The following INHBA variants were observed in gnomAD, a reference collection of about 807,000 sequenced individuals.
INHBA encodes the protein inhibin subunit beta A.
A neutral mutation model predicts 29.0 loss-of-function variants in INHBA; 1 was observed. That is an observed-to-expected ratio of 0.03 (90% confidence interval 0.01 to 0.16). The LOEUF (loss-of-function observed/expected upper bound fraction) is 0.16, where lower values mean the gene tolerates loss of function less well. INHBA is among the 10% of genes least tolerant of loss of function. INHBA has a pLI of 1.00. For missense variants in INHBA, 376 were observed against 545.4 expected (o/e 0.69, Z 3.09); for synonymous variants, 242 against 216.8 (o/e 1.12, Z -1.02).
chr7:41,690,116 T>C lies in INHBA; in HGVS notation c.815A>G (p.Lys272Arg), dbSNP rs1390115330. The C allele has an allele frequency of 1.2e-6, 2 of 1,613,492 alleles. No individual in the cohort carries two copies. The highest frequency in any genetic ancestry group is 2.7e-5 in the African/African-American group (2 of 74,844). ...TCCTGCCCCACCTTCACCTCCGCCC[T>C]TCTTTTTCCCTTCCCCCTCCTCTTC... Reference protein sequence around the residue: ...KKEEEGEGKKKGGGEGGAGAD... With the variant: ...KKEEEGEGKKRGGGEGGAGAD... Residue 272 changes from lysine (K) to arginine (R), a missense_variant, in exon 3 of 3, where the codon AAG (lysine) becomes AGG (arginine). Coordinates refer to ENST00000242208, the MANE Select transcript of INHBA (RefSeq NM_002192.4).
At position 41,700,203 on chromosome 7, in the gene INHBA, C is replaced by T; in HGVS notation, c.172G>A (p.Val58Ile). 2 of 1,614,034 alleles carry T rather than the reference C, an allele frequency of 1.2e-6. No homozygotes were observed. The highest frequency in any genetic ancestry group is 1.7e-6 in the Non-Finnish European group (2 of 1,179,958). ...PNSQPEMVEA[V>I]KKHILNMLHL... ...AGCATGTTTAAAATGTGCTTCTTGACGGCCTCCACCATCTCTGGCTGAGAG... is the reference window on the plus strand; with the variant it reads ...AGCATGTTTAAAATGTGCTTCTTGATGGCCTCCACCATCTCTGGCTGAGAG... Residue 58 changes from valine to isoleucine, a missense_variant, in exon 2 of 3, where the codon GTC (valine) becomes ATC (isoleucine). Val to Ile is a conservative substitution (Grantham distance 29). Around this residue, in one of 4 missense-constraint regions of INHBA, gnomAD observed 71 missense variants for 77.0 expected, o/e 0.92. Transcript: ENST00000242208.
In INHBA at chr7:41,689,768, T is replaced by C. The variant is rs759695534; in HGVS notation, c.1163A>G (p.Lys388Arg). ...CAGCTTGGTGGGCACACAGCACGAT[T>C]TGAGGTTGGCAAAGGGGCTATGGCC... ...MRGHSPFANL[K>R]SCCVPTKLRP... Residue 388 changes from lysine (K) to arginine (R), a missense_variant, in exon 3 of 3, where the codon AAA (lysine) becomes AGA (arginine). Coordinates refer to ENST00000242208, the MANE Select transcript of INHBA (RefSeq NM_002192.4). The C allele has an allele frequency of 6.2e-7, 1 of 1,614,010 alleles. No individual in the cohort carries two copies. Among genetic ancestry groups the C allele is most frequent in the Non-Finnish European group, 8.5e-7 (1 of 1,179,980 alleles).
chr7:41,690,577 A>C (rs1181237536), intron 2 of INHBA, 35 bp from the exon 3 acceptor site: 1 of 1,517,474 alleles, frequency 6.6e-7, no homozygotes, highest in South Asian at 1.3e-5. Flanking sequence ...GAAAACAGGC[A>C]CACCTGTTAA....
chr7:41,697,526 T>C (rs1252871725), intron 2 of INHBA, among the ~76,000 whole-genome samples: 2 of 152,272 alleles, frequency 1.3e-5, no homozygotes, highest in East Asian at 3.9e-4. Context: ...AAATTAAACG[T>C]AGCCTCAAAT....
chr7:41,690,963 G>T (rs1343704591), intron 2 of INHBA, among the ~76,000 whole-genome samples: 2 of 152,234 alleles, frequency 1.3e-5, no homozygotes, highest in Non-Finnish European at 2.9e-5. Context: ...AAAAGGTTTT[G>T]GACCCTTGCT....
chr7:41,697,028 G>A (rs1035662346), intron 2 of INHBA, among the ~76,000 whole-genome samples: 3 of 152,094 alleles, frequency 2.0e-5, no homozygotes, highest in African/African-American at 7.2e-5. Context: ...GAGACTTAGA[G>A]GTACATTATT....
Position 41,700,438 on chromosome 7 carries a change from CG to C in INHBA, c.-65del. The C allele has an allele frequency of 7.5e-7, 1 of 1,328,662 alleles. No individual in the cohort carries two copies. The highest frequency in any genetic ancestry group is 9.7e-7 in the Non-Finnish European group (1 of 1,028,110). 82.3% of individuals were successfully genotyped at this position (1,328,662 alleles called of 1,614,324 possible). On this transcript the variant is annotated 5_prime_UTR_variant, in exon 2 of 3. Transcript: ENST00000242208. ...GCCCTGCTTTTCCTCCCCCCTCACG[CG>C]CAGGTTTTTTTGTGTGTGTGGATTT...
At chr7:41,691,834 C>T (rs1455099592) in intron 2 of INHBA, 1 of 152,134 alleles carries the variant, frequency 6.6e-6, no homozygotes, top group East Asian at 1.9e-4. Context: ...TAGAGGCGTC[C>T]TTAGCATTGA....
intron 2 of INHBA, among the ~76,000 whole-genome samples, chr7:41,691,011 C>G (rs1283480964): frequency 6.6e-6 from 1 of 152,136 alleles, no homozygotes; most frequent in Non-Finnish European, 1.5e-5. Flanking sequence ...TGTCTGTTGA[C>G]TAATTGCTCA....
upstream of INHBA, chr7:41,703,110 C>T (rs891247992): frequency 6.6e-6 from 1 of 152,196 alleles, no homozygotes; most frequent in African/African-American, 2.4e-5. Flanking sequence ...TACTGTACTA[C>T]TTATTTGTAC....
chr7:41,700,482 G>GT lies in INHBA; in HGVS notation c.-109dup. On this transcript the variant is annotated 5_prime_UTR_variant, in exon 2 of 3. Transcript: ENST00000242208. ...GTGGATTTTTTTATTTTTTTTTTTG[G>GT]TGTTTTTTTTTTCCTTCTCCTCTTC... 9.0e-7 allele frequency: 1 copy of GT among 1,107,308 alleles called. No homozygotes were observed. Among genetic ancestry groups the GT allele is most frequent in the Non-Finnish European group, 1.2e-6 (1 of 826,818 alleles). 68.6% of individuals were successfully genotyped at this position (1,107,308 alleles called of 1,614,324 possible).
chr7:41,697,624 A>G (rs915992388), intron 2 of INHBA, among the ~76,000 whole-genome samples: 1 of 152,242 alleles, frequency 6.6e-6, no homozygotes, highest in Non-Finnish European at 1.5e-5. Context: ...TATGCTGCAC[A>G]AAATGGTTAT....
At position 41,687,717 on chromosome 7, in the gene INHBA, T is replaced by C. The variant is rs1794416745; in HGVS notation, c.*1933A>G. 1 of 152,214 alleles carries C rather than the reference T, an allele frequency of 6.6e-6. No homozygotes were observed. 9.4% of individuals were successfully genotyped at this position (152,214 alleles called of 1,614,324 possible). A position where few individuals can be genotyped will look rare whatever the true frequency, so the allele number is the denominator to read the frequency against. On this transcript the variant is annotated 3_prime_UTR_variant, in exon 3 of 3. Coordinates refer to ENST00000242208, the MANE Select transcript of INHBA (RefSeq NM_002192.4). ...TCTTAACACTTTCTCTCAAATTAAT[T>C]ATCTTTTAGTTAGTGATGACATTAT...
chr7:41,691,858 A>T (rs1490675412), intron 2 of INHBA: 1 of 152,180 alleles, frequency 6.6e-6, no homozygotes. Context: ...CTATTAAATT[A>T]AGAGAGCCAC....
chr7:41,699,401 CT>C (rs1384701418), intron 2 of INHBA, among the ~76,000 whole-genome samples: 3 of 152,142 alleles, frequency 2.0e-5, no homozygotes, highest in Non-Finnish European at 4.4e-5. Context: ...TGCCTGTGCA[CT>C]TATAGACATT....
At chr7:41,705,056 T>G (rs970448463), upstream of INHBA, among the ~76,000 whole-genome samples, 54 of 151,708 alleles carry the variant, frequency 3.6e-4, no homozygotes, top group Non-Finnish European at 1.0e-4. Context: ...AAGGTGGGGG[T>G]GGTGGAGGAA....
intron 2 of INHBA, among the ~76,000 whole-genome samples, chr7:41,699,734 C>T (rs1438248022): frequency 1.3e-5 from 2 of 152,090 alleles, no homozygotes; most frequent in Non-Finnish European, 2.9e-5. Context: ...CTGTGTGACC[C>T]GCTGGGTTTA....
intron 2 of INHBA, among the ~76,000 whole-genome samples, chr7:41,698,547 G>T (rs1266783199): frequency 6.6e-6 from 1 of 152,186 alleles, no homozygotes; most frequent in South Asian, 2.1e-4. Context: ...TCCTCAAAAA[G>T]CTCCAGAAGA....
At position 41,694,750 on chromosome 7, in the gene INHBA, G is replaced by C. The variant is rs545398282; in HGVS notation, c.389-4208C>G. Among the ~76,000 whole-genome samples, 3 of 152,290 alleles carry C rather than the reference G, an allele frequency of 2.0e-5. No homozygotes were observed. In the East Asian group the frequency reaches 5.8e-4, roughly 29 times the overall value. ...AAGTCCCACGCAAACCCATGTGGGTGATAATATTTCATCACTTAAACCTCT... is the reference window on the plus strand; with the variant it reads ...AAGTCCCACGCAAACCCATGTGGGTCATAATATTTCATCACTTAAACCTCT... On this transcript the variant is annotated intron_variant, in intron 2 of 2. Transcript: ENST00000242208.
Sources: gnomAD v4.1 joint callset for allele counts (sites outside exome capture counted in the v4.1 genomes callset) on GRCh38, gnomAD v4.1.1 for gene constraint, gnomAD v4.1.1 regional missense constraint, MANE v1.5 for transcripts, NCBI Gene and HGNC (gene_info 2026-07-23, HGNC 2026-07-21) for gene names.